FAT1: variants seen among roughly 807,000 people sequenced by gnomAD.
FAT1 encodes the protein FAT atypical cadherin 1.
A neutral mutation model predicts 329.8 loss-of-function variants in FAT1; 171 were observed. The ratio of observed to expected loss-of-function variants is 0.52; its 90% CI spans 0.46 to 0.59. FAT1 has a LOEUF of 0.59. Among genes scored for constraint, FAT1 ranks in the 20% least tolerant of loss-of-function variants. FAT1 has a pLI of 0.00. For synonymous variants in FAT1, 2,233 were observed against 2,228.6 expected, an observed-to-expected ratio of 1.00 and a Z score of -0.06; for missense variants, 5,672 against 5,774.4, an observed-to-expected ratio of 0.98 and a Z score of 0.57.
At chr4:186,723,858 C>G (rs979922518), upstream of FAT1, 3 of 150,380 alleles carry the variant, frequency 2.0e-5, no homozygotes, top group African/African-American at 7.3e-5. Context: ...CTCACGCTCC[C>G]CGAGCGCAGG....
chr4:186,661,894 T>C (rs115599756), intron 3 of FAT1, among the ~76,000 whole-genome samples: 101 of 152,148 alleles, frequency 6.6e-4, no homozygotes, highest in African/African-American at 2.3e-3. Context: ...GTGAACACTC[T>C]TGGGAACTGA....
chr4:186,686,601 G>GT (rs1234538621), intron 2 of FAT1, among the ~76,000 whole-genome samples: 2 of 151,926 alleles, frequency 1.3e-5, no homozygotes, highest in East Asian at 1.9e-4. Flanking sequence ...GCTTAGCGCT[G>GT]TTTTTTTTAA....
In FAT1 at chr4:186,628,500, G is replaced by A. The variant is rs1415995173; in HGVS notation, c.4587C>T (p.Thr1529=). The change falls in exon 8 of 27, where the codon ACC becomes ACT. Residue 1529 remains threonine (T), a synonymous_variant. Coordinates refer to ENST00000441802, the MANE Select transcript of FAT1 (RefSeq NM_005245.4). ...GTAGAGCGCCTACCATGACCGTGAGGGTGTGCTGGTGAACAGCTTCATGAT... is the reference window on the plus strand; with the variant it reads ...GTAGAGCGCCTACCATGACCGTGAGAGTGTGCTGGTGAACAGCTTCATGAT... ...KLDHEAVHQH[T]LTVMVRDQDV... 2 of 1,613,878 alleles carry A rather than the reference G, an allele frequency of 1.2e-6. No individual in the cohort carries two copies. The highest frequency in any genetic ancestry group is 1.3e-5 in the African/African-American group (1 of 74,906).
chr4:186,695,409 A>G (rs1364993433), intron 2 of FAT1, among the ~76,000 whole-genome samples: 2 of 152,186 alleles, frequency 1.3e-5, no homozygotes, highest in Non-Finnish European at 2.9e-5. Context: ...CATTGCTACT[A>G]AACTGCTTTG....
chr4:186,668,578 T>C (rs1173835861), intron 2 of FAT1, among the ~76,000 whole-genome samples: 1 of 152,126 alleles, frequency 6.6e-6, no homozygotes, highest in East Asian at 1.9e-4. Flanking sequence ...GGAGTCCTGG[T>C]TTCTGCAGGG....
In FAT1 at chr4:186,706,967, G is replaced by A. The variant is rs2126684442; in HGVS notation, c.2861C>T (p.Pro954Leu). 1 of 1,613,970 alleles carries A rather than the reference G, an allele frequency of 6.2e-7. No individual in the cohort carries two copies. Reference sequence around the variant, plus strand: ...CACCTGACCAGACTGACCTAAATCAGGATCGTGGGCTTCTAACCACATGAT... The same window carrying A: ...CACCTGACCAGACTGACCTAAATCAAGATCGTGGGCTTCTAACCACATGAT... ...TVIMWLEAHD[P>L]DLGQSGQVRY... Residue 954 changes from proline to leucine, a missense_variant, in exon 2 of 27, where the codon CCT becomes CTT. This residue lies in a region of FAT1 where 3,966 missense variants were observed against 3,915.2 expected (regional missense o/e 1.01). Transcript: ENST00000441802.
Position 186,621,165 on chromosome 4 carries a change from A to C in FAT1, c.5421T>G (p.Leu1807=), listed in dbSNP as rs2126522755. 6.2e-7 allele frequency: 1 copy of C among 1,614,002 alleles called. No individual in the cohort carries two copies. Among genetic ancestry groups the C allele is most frequent in the Non-Finnish European group, 8.5e-7 (1 of 1,179,898 alleles). ...CAGATGGTTCAACAATGTGATATAC[A>C]AGCAAAGCATTTGAGTCTTTATCAG... ...ADADKDSNAL[L]VYHIVEPSVH... is the part of the protein sequence containing the mutation. The change falls in exon 10 of 27, where the codon CTT becomes CTG. Residue 1807 remains leucine (L), a synonymous_variant. Transcript: ENST00000441802.
intron 2 of FAT1, among the ~76,000 whole-genome samples, chr4:186,668,766 G>C (rs1007869955): frequency 1.3e-5 from 2 of 152,078 alleles, no homozygotes; most frequent in African/African-American, 4.8e-5. Context: ...CAATTCCATA[G>C]AGAGAAACAA....
chr4:186,630,998 A>G (rs533339857), intron 7 of FAT1, among the ~76,000 whole-genome samples: 1 of 152,334 alleles, frequency 6.6e-6, no homozygotes, highest in South Asian at 2.1e-4. Context: ...GCAGGACAGG[A>G]AAGCCAGAGA....
intron 21 of FAT1, 43 bp from the exon 22 acceptor site, chr4:186,600,403 C>A (rs2126415821): frequency 6.7e-7 from 1 of 1,484,460 alleles, no homozygotes. Flanking sequence ...CTCATAGAAC[C>A]TTCAATGAGA....
rs575252840 is a variant in FAT1 at position 186,704,943 on chromosome 4, C to CTTT, written c.3265+1617_3265+1619dup. Among the ~76,000 whole-genome samples the CTTT allele has an allele frequency of 2.1e-3, 254 of 120,616 alleles. 5 individuals carry two copies. Among genetic ancestry groups the CTTT allele is most frequent in the African/African-American group, 7.8e-3 (230 of 29,356 alleles). The allele number at this position is 120,616 out of a possible 152,430, so 79.1% of individuals were successfully genotyped here. A position where few individuals can be genotyped will look rare whatever the true frequency, so the allele number is the denominator to read the frequency against. On this transcript the variant is annotated intron_variant, in intron 2 of 26. Transcript: ENST00000441802. ...AAATATATTACAACTTCCAAAATAACTTTTTTTTTTTTTTTTTTTTTGAGA... is the reference window on the plus strand; with the variant it reads ...AAATATATTACAACTTCCAAAATAACTTTTTTTTTTTTTTTTTTTTTTTTGAGA...
chr4:186,721,977 T>C (rs1426339213), intron 1 of FAT1, among the ~76,000 whole-genome samples: 2 of 152,202 alleles, frequency 1.3e-5, no homozygotes, highest in African/African-American at 4.8e-5. Flanking sequence ...TAGCTGGGAT[T>C]ACAGGCATGC....
chr4:186,614,631 C>T (rs2126479747), intron 11 of FAT1, among the ~76,000 whole-genome samples: 1 of 152,286 alleles, frequency 6.6e-6, no homozygotes, highest in South Asian at 2.1e-4. Context: ...ATTTCATATT[C>T]AAATCCTTAT....
chr4:186,723,406 G>T (rs760707564), intron 1 of FAT1, among the ~76,000 whole-genome samples: 1 of 152,208 alleles, frequency 6.6e-6, no homozygotes, highest in Non-Finnish European at 1.5e-5. Context: ...GAAAGGATCG[G>T]ACCCCAGCAA....
intron 1 of FAT1, among the ~76,000 whole-genome samples, chr4:186,714,945 G>T (rs1193988559): frequency 6.6e-6 from 1 of 152,134 alleles, no homozygotes; most frequent in Non-Finnish European, 1.5e-5. Context: ...GGGTGCGGTG[G>T]TGTGCGCCTG....
chr4:186,715,618 C>T (rs916535555), intron 1 of FAT1, among the ~76,000 whole-genome samples: 2 of 152,202 alleles, frequency 1.3e-5, no homozygotes, highest in African/African-American at 4.8e-5. Context: ...AACACCATTT[C>T]ATCTAAAAAG....
intron 7 of FAT1, among the ~76,000 whole-genome samples, chr4:186,633,482 G>A (rs917705546): frequency 1.3e-5 from 2 of 152,176 alleles, no homozygotes; most frequent in South Asian, 4.1e-4. Flanking sequence ...TCTCAAAACT[G>A]CTTAATTATA....
rs1264380184 is a variant in FAT1, at chr4:186,709,839, C to T, written c.-12G>A. 5.7e-6 allele frequency: 9 copies of T among 1,580,162 alleles called. No homozygotes were observed. Among genetic ancestry groups the T allele is most frequent in the East Asian group, 2.3e-5 (1 of 43,872 alleles). On this transcript the variant is annotated 5_prime_UTR_variant, in exon 2 of 27. Transcript: ENST00000441802. Reference sequence around the variant, plus strand: ...AAATGTCTCCCCATTGCTTAACTGTCGGGAATCTGAAACAGAAGAAATCAG... The same window carrying T: ...AAATGTCTCCCCATTGCTTAACTGTTGGGAATCTGAAACAGAAGAAATCAG...
At chr4:186,688,407 A>C (rs769579187) in intron 2 of FAT1, among the ~76,000 whole-genome samples, 1 of 152,144 alleles carries the variant, frequency 6.6e-6, no homozygotes, top group African/African-American at 2.4e-5. Context: ...ATTCCTGTTC[A>C]TAAGGTAATC....
Sources: allele counts gnomAD v4.1 joint callset (sites outside exome capture counted in the v4.1 genomes callset), GRCh38; gene constraint gnomAD v4.1.1; regional missense constraint gnomAD v4.1.1; transcripts MANE v1.5; gene names NCBI Gene and HGNC (gene_info 2026-07-23, HGNC 2026-07-21).